Variants in DACH2 observed in about 807,000 individuals in gnomAD.
DACH2 encodes dachshund homolog 2.
DACH2 carries 17 observed loss-of-function variants against 35.8 expected under a neutral mutation model. That is an observed-to-expected ratio of 0.48 (90% CI 0.33 to 0.71). The LOEUF (loss-of-function observed/expected upper bound fraction) is 0.71. DACH2 is among the 30% of genes least tolerant of loss of function. The pLI is 0.02. For synonymous variants in DACH2, 195 were observed against 177.3 expected (o/e 1.10, Z -0.79); for missense variants, 469 against 472.7 (o/e 0.99, Z 0.07).
chrX:86,280,729 T>G (rs1043139760), intron 1 of DACH2, among the ~76,000 whole-genome samples: 3 of 111,530 alleles, frequency 2.7e-5, no homozygotes, highest in African/African-American at 9.8e-5. Context: ...AAGACACACA[T>G]ACACTCAAAA....
intron 2 of DACH2, among the ~76,000 whole-genome samples, chrX:86,409,598 A>T (rs2036578795): frequency 9.0e-6 from 1 of 110,924 alleles, no homozygotes; most frequent in African/African-American, 3.3e-5. Flanking sequence ...CCCCTTTGCC[A>T]TCCATCATGA....
chrX:86,653,782 G>A (rs762167062), intron 4 of DACH2, among the ~76,000 whole-genome samples: 2 of 103,336 alleles, frequency 1.9e-5, no homozygotes, highest in African/African-American at 3.6e-5. Context: ...TCTCCCTGCC[G>A]CAGCCTCCCA....
chrX:86,335,631 G>A, intron 1 of DACH2, among the ~76,000 whole-genome samples: 1 of 112,041 alleles, frequency 8.9e-6, no homozygotes, highest in Non-Finnish European at 1.9e-5. Flanking sequence ...TTGCTTATCA[G>A]CTTAAGGAGA....
chrX:86,197,316 T>G (rs1043477024), intron 1 of DACH2, among the ~76,000 whole-genome samples: 28 of 110,958 alleles, frequency 2.5e-4, no homozygotes, highest in African/African-American at 8.5e-4. Context: ...CACACTGGAG[T>G]ACACAGACCA....
intron 4 of DACH2, among the ~76,000 whole-genome samples, chrX:86,672,820 G>A (rs1483143172): frequency 8.9e-6 from 1 of 111,768 alleles, no homozygotes; most frequent in East Asian, 2.8e-4. Flanking sequence ...GCACTGCTTA[G>A]TGGAGCTGTG....
At chrX:86,609,137 C>A (rs755624647) in intron 3 of DACH2, among the ~76,000 whole-genome samples, 33 of 111,494 alleles carry the variant, frequency 3.0e-4, no homozygotes, top group African/African-American at 1.1e-3. Flanking sequence ...TTTTATAGAT[C>A]CTATAAGCAT....
intron 7 of DACH2, among the ~76,000 whole-genome samples, 155 bp downstream of exon 7, chrX:86,740,037 A>T (rs2041637537): frequency 8.9e-6 from 1 of 112,214 alleles, no homozygotes; most frequent in African/African-American, 3.2e-5. Context: ...CTGAAACAAT[A>T]TGACTAACAA....
intron 7 of DACH2, chrX:86,798,638 A>G: frequency 8.1e-6 from 1 of 123,671 alleles, no homozygotes; most frequent in Non-Finnish European, 1.7e-5. Flanking sequence ...CAGTCTGGAT[A>G]ACTGCTATTC....
intron 1 of DACH2, among the ~76,000 whole-genome samples, chrX:86,255,677 A>G (rs1361746278): frequency 1.8e-5 from 2 of 111,725 alleles, no homozygotes; most frequent in African/African-American, 6.5e-5. Context: ...TTTCCTTCCC[A>G]GCAGTCTAAG....
intron 3 of DACH2, among the ~76,000 whole-genome samples, chrX:86,614,333 T>A (rs976822829): frequency 4.5e-5 from 5 of 111,668 alleles, no homozygotes; most frequent in Admixed American, 1.9e-4. Context: ...TGTAATAATA[T>A]ACTCAGATTT....
At chrX:86,422,515 T>A (rs1384634028) in intron 2 of DACH2, among the ~76,000 whole-genome samples, 11 of 110,400 alleles carry the variant, frequency 1.0e-4, no homozygotes, top group African/African-American at 3.6e-4. Flanking sequence ...GAATGGTTTT[T>A]CAAGTGTTTT....
At chrX:86,639,789 C>G (rs1348765483) in intron 3 of DACH2, among the ~76,000 whole-genome samples, 2 of 111,385 alleles carry the variant, frequency 1.8e-5, no homozygotes, top group African/African-American at 6.5e-5. Flanking sequence ...AGATTCTGAG[C>G]TGACCCAGGG....
At chrX:86,798,946 C>T (rs769700718) in intron 7 of DACH2, 15 of 189,608 alleles carry the variant, frequency 7.9e-5, no homozygotes, top group Non-Finnish European at 1.3e-4. Flanking sequence ...CTGGTAAGCA[C>T]GGAGGGTTGT....
At chrX:86,367,007 CA>C (rs1292442365) in intron 1 of DACH2, among the ~76,000 whole-genome samples, 1 of 109,567 alleles carries the variant, frequency 9.1e-6, no homozygotes, top group African/African-American at 3.3e-5. Flanking sequence ...ACTAATGCAC[CA>C]TATTTTTTTT....
intron 3 of DACH2, among the ~76,000 whole-genome samples, chrX:86,594,643 A>G (rs1324555119): frequency 3.6e-5 from 4 of 110,675 alleles, no homozygotes; most frequent in African/African-American, 1.3e-4. Context: ...ATTTTTTGTT[A>G]TTGATTTCTA....
At chrX:86,812,204 A>G (rs2042400944) in intron 7 of DACH2, among the ~76,000 whole-genome samples, 1 of 112,008 alleles carries the variant, frequency 8.9e-6, no homozygotes, top group Non-Finnish European at 1.9e-5. Flanking sequence ...GCACAAAAAA[A>G]CCATGTATCG....
intron 3 of DACH2, among the ~76,000 whole-genome samples, chrX:86,549,994 G>A (rs2069618911): frequency 9.0e-6 from 1 of 111,160 alleles, no homozygotes; most frequent in African/African-American, 3.3e-5. Flanking sequence ...CAAAGATGAG[G>A]CTTATTTTCT....
At chrX:86,556,795 T>TATATATATATAGAG (rs1232719385) in intron 3 of DACH2, among the ~76,000 whole-genome samples, 3 of 25,294 alleles carry the variant, frequency 1.2e-4, no homozygotes, top group Non-Finnish European at 1.9e-4. Context: ...TATATATATA[T>TATATATATATAGAG]AGAGAGAGAG....
intron 10 of DACH2, among the ~76,000 whole-genome samples, chrX:86,815,359 T>G (rs1380504161): frequency 1.8e-5 from 2 of 110,818 alleles, no homozygotes; most frequent in African/African-American, 6.5e-5. Flanking sequence ...CTGCTTCCAT[T>G]TTTAATTCTG....
Sources: gnomAD v4.1 joint callset for allele counts (sites outside exome capture counted in the v4.1 genomes callset) on GRCh38, gnomAD v4.1.1 for gene constraint, MANE v1.5 for transcripts, NCBI Gene and HGNC (gene_info 2026-07-23, HGNC 2026-07-21) for gene names.